PSD3: variants seen among roughly 807,000 people sequenced by gnomAD.
PSD3 encodes pleckstrin and Sec7 domain containing 3.
Under a neutral mutation model 105.5 loss-of-function variants are expected in PSD3, and 49 were observed. The ratio of observed to expected loss-of-function variants is 0.46; its 90% CI spans 0.37 to 0.59. The LOEUF is 0.59. PSD3 is among the 20% of genes least tolerant of loss of function. The pLI is 0.00. For missense variants in PSD3, 1,561 were observed against 1,263.8 expected (o/e 1.24, Z -3.57); for synonymous variants, 557 against 457.8 (o/e 1.22, Z -2.77).
At chr8:18,671,692 C>T (rs754504887) in intron 9 of PSD3, among the ~76,000 whole-genome samples, 9 of 151,038 alleles carry the variant, frequency 6.0e-5, no homozygotes, top group Admixed American at 4.6e-4. Context: ...GAGGGCAGTG[C>T]GCGATCTCCG....
chr8:18,560,830 C>T (rs1234412101), intron 14 of PSD3, among the ~76,000 whole-genome samples: 5 of 152,126 alleles, frequency 3.3e-5, no homozygotes, highest in African/African-American at 7.2e-5. Context: ...AACTTCATAT[C>T]GAAACTTAAT....
intron 9 of PSD3, among the ~76,000 whole-genome samples, chr8:18,732,272 T>A (rs1167778026): frequency 6.6e-6 from 1 of 151,990 alleles, no homozygotes; most frequent in African/African-American, 2.4e-5. Context: ...TAGATGGACA[T>A]ACGGAGTCAT....
At chr8:18,693,822 A>G (rs943638591) in intron 9 of PSD3, among the ~76,000 whole-genome samples, 6 of 152,214 alleles carry the variant, frequency 3.9e-5, no homozygotes, top group South Asian at 2.1e-4. Context: ...TGACCTTTCA[A>G]TAGATTCCTT....
At chr8:18,999,132 A>T (rs1225478449) in intron 1 of PSD3, among the ~76,000 whole-genome samples, 1 of 152,050 alleles carries the variant, frequency 6.6e-6, no homozygotes, top group Non-Finnish European at 1.5e-5. Flanking sequence ...TTAGAACAAA[A>T]TGGAAAGAAT....
chr8:18,605,915 A>G (rs1482727210), intron 11 of PSD3, among the ~76,000 whole-genome samples: 1 of 152,114 alleles, frequency 6.6e-6, no homozygotes, highest in African/African-American at 2.4e-5. Flanking sequence ...AGGCCTTCCC[A>G]GACACTGAGC....
At chr8:18,613,778 A>C (rs1196245423) in intron 11 of PSD3, among the ~76,000 whole-genome samples, 1 of 152,130 alleles carries the variant, frequency 6.6e-6, no homozygotes, top group Non-Finnish European at 1.5e-5. Context: ...CAACCTTGCA[A>C]AACAACCCAG....
intron 9 of PSD3, among the ~76,000 whole-genome samples, chr8:18,679,815 T>C (rs1019042965): frequency 6.6e-6 from 1 of 152,196 alleles, no homozygotes; most frequent in Non-Finnish European, 1.5e-5. Context: ...GAAATTTCGG[T>C]GTCACAGAAA....
chr8:19,084,369 G>C (rs796793360), exon 1 of PSD3: 17 of 456,256 alleles, frequency 3.7e-5, no homozygotes, highest in African/African-American at 2.8e-4. Flanking sequence ...CCTCAGCACA[G>C]TCCTTTCCGC....
chr8:18,813,668 G>A (rs1811914722), intron 4 of PSD3, among the ~76,000 whole-genome samples: 1 of 152,154 alleles, frequency 6.6e-6, no homozygotes, highest in Non-Finnish European at 1.5e-5. Context: ...TTATCTGCTG[G>A]AGAACTCCAG....
At chr8:18,686,276 C>G (rs908924583) in intron 9 of PSD3, among the ~76,000 whole-genome samples, 1 of 152,136 alleles carries the variant, frequency 6.6e-6, no homozygotes, top group Admixed American at 6.5e-5. Context: ...GACAATTCTG[C>G]GAAGTGGGTT....
intron 4 of PSD3, among the ~76,000 whole-genome samples, chr8:18,865,641 G>A (rs1416928263): frequency 6.6e-6 from 1 of 152,000 alleles, no homozygotes; most frequent in Non-Finnish European, 1.5e-5. Context: ...GCACATGGTA[G>A]GATGACCACC....
At chr8:18,681,721 G>C (rs1205002661) in intron 9 of PSD3, among the ~76,000 whole-genome samples, 1 of 151,668 alleles carries the variant, frequency 6.6e-6, no homozygotes, top group African/African-American at 2.4e-5. Context: ...CAATGATTAG[G>C]GTCACTCTGA....
chr8:18,917,630 A>C (rs1292381281), intron 2 of PSD3, among the ~76,000 whole-genome samples: 2 of 152,138 alleles, frequency 1.3e-5, no homozygotes, highest in Non-Finnish European at 2.9e-5. Flanking sequence ...CCTATCAAGG[A>C]TGTTAAAGAC....
chr8:18,878,365 A>C (rs769507964), intron 2 of PSD3, among the ~76,000 whole-genome samples: 5 of 152,156 alleles, frequency 3.3e-5, no homozygotes, highest in Non-Finnish European at 5.9e-5. Flanking sequence ...AGATCATGTC[A>C]TCTGTGGATA....
chr8:19,071,084 G>A (rs557825019), intron 1 of PSD3, among the ~76,000 whole-genome samples: 1 of 151,738 alleles, frequency 6.6e-6, no homozygotes, highest in South Asian at 2.1e-4. Context: ...AGGGGGGTTG[G>A]AGTCTTGTAC....
At chr8:18,627,855 C>T (rs1448728583) in intron 11 of PSD3, among the ~76,000 whole-genome samples, 1 of 150,622 alleles carries the variant, frequency 6.6e-6, no homozygotes, top group Non-Finnish European at 1.5e-5. Flanking sequence ...AAAAATAATG[C>T]AACAGTTCCA....
At chr8:18,691,156 T>C (rs112735052) in intron 9 of PSD3, among the ~76,000 whole-genome samples, 1 of 152,320 alleles carries the variant, frequency 6.6e-6, no homozygotes, top group African/African-American at 2.4e-5. Context: ...AATCTTTAAA[T>C]AGAACGTTCT....
At chr8:18,705,676 C>A (rs572066725) in intron 9 of PSD3, among the ~76,000 whole-genome samples, 15 of 151,426 alleles carry the variant, frequency 9.9e-5, no homozygotes, top group African/African-American at 3.4e-4. Context: ...AAAAAGAAGA[C>A]CACACTTAAA....
At chr8:18,825,321 G>T (rs1813086727) in intron 4 of PSD3, among the ~76,000 whole-genome samples, 1 of 152,186 alleles carries the variant, frequency 6.6e-6, no homozygotes, top group African/African-American at 2.4e-5. Context: ...TCCAAATTCA[G>T]TGTCTGTAAG....
Sources: allele counts gnomAD v4.1 joint callset (sites outside exome capture counted in the v4.1 genomes callset), GRCh38; gene constraint gnomAD v4.1.1; transcripts MANE v1.5; gene names NCBI Gene and HGNC (gene_info 2026-07-23, HGNC 2026-07-21).